ST7: variants seen among roughly 807,000 people sequenced by gnomAD.
ST7 encodes suppressor of tumorigenicity 7 protein.
ST7 carries 28 observed loss-of-function variants against 78.7 expected under a neutral mutation model. The observed-to-expected ratio is 0.36, with a 90% confidence interval of 0.26 to 0.49. ST7 has a LOEUF of 0.49. Among genes scored for constraint, ST7 ranks in the 20% least tolerant of loss-of-function variants. The probability of loss-of-function intolerance (pLI) is 0.99; values close to 1 mark genes in which losing one functional copy is unlikely to be tolerated. For synonymous variants in ST7, 247 were observed against 249.6 expected (o/e 0.99, Z 0.10); for missense variants, 418 against 696.0 (o/e 0.60, Z 4.49).
chr7:117,172,947 G>A (rs1008259212), intron 10 of ST7, among the ~76,000 whole-genome samples: 1 of 152,184 alleles, frequency 6.6e-6, no homozygotes, highest in Non-Finnish European at 1.5e-5. Context: ...GTAAAATAAA[G>A]AAATGGAACT....
chr7:117,057,837 G>A lies in ST7; in HGVS notation c.152-41925G>A, dbSNP rs542895941. Among the ~76,000 whole-genome samples, 42 of 152,214 alleles carry A rather than the reference G, an allele frequency of 2.8e-4. 1 individual carries two copies. The highest frequency in any genetic ancestry group is 2.0e-3 in the Admixed American group (30 of 15,296). On this transcript the variant is annotated intron_variant, in intron 1 of 15. Coordinates refer to ENST00000323984, the MANE Select transcript of ST7 (RefSeq NM_001369598.1). The stretch of plus-strand genomic sequence containing the variant: ...ATTAATTTTCTGGGACTAACAATTT[G>A]TACTATTAAGTAAAAGTTACCAATC...
chr7:116,989,661 A>G (rs879864255), intron 1 of ST7, among the ~76,000 whole-genome samples: 1 of 151,688 alleles, frequency 6.6e-6, no homozygotes, highest in Admixed American at 6.6e-5. Flanking sequence ...CAACATAGTG[A>G]GACCCCCATC....
intron 9 of ST7, among the ~76,000 whole-genome samples, chr7:117,169,979 C>T (rs1263906072): frequency 9.9e-5 from 15 of 152,086 alleles, no homozygotes. Context: ...CTCTTTACTA[C>T]CACCCCCATC....
At chr7:117,175,914 C>A (rs1808311387) in intron 10 of ST7, among the ~76,000 whole-genome samples, 1 of 151,788 alleles carries the variant, frequency 6.6e-6, no homozygotes, top group African/African-American at 2.4e-5. Flanking sequence ...GTCTTATGCT[C>A]TGCAAAAAGA....
intron 1 of ST7, among the ~76,000 whole-genome samples, chr7:117,092,153 C>T (rs527366935): frequency 6.6e-6 from 1 of 151,968 alleles, no homozygotes; most frequent in South Asian, 2.1e-4. Context: ...TAACTGGGTG[C>T]CTGTAGTCCC....
chr7:117,002,963 C>T (rs1795007039), intron 1 of ST7, among the ~76,000 whole-genome samples: 1 of 151,228 alleles, frequency 6.6e-6, no homozygotes, highest in Admixed American at 6.6e-5. Context: ...GCTGGGATTA[C>T]AGGCACCCAC....
At chr7:117,126,559 A>G (rs1004662967) in intron 3 of ST7, among the ~76,000 whole-genome samples, 13 of 151,832 alleles carry the variant, frequency 8.6e-5, no homozygotes, top group Admixed American at 3.3e-4. Context: ...TTTGTAACCC[A>G]TGGCCTAATT....
intron 10 of ST7, chr7:117,187,639 A>C (rs948705433): frequency 6.6e-6 from 1 of 152,212 alleles, no homozygotes; most frequent in African/African-American, 2.4e-5. Flanking sequence ...TTGATTAGAT[A>C]ACCATCAAAC....
Position 116,995,425 on chromosome 7 carries a change from G to A in ST7, c.151+41734G>A, listed in dbSNP as rs549564719. Among the ~76,000 whole-genome samples, 6 of 152,286 alleles carry A rather than the reference G, an allele frequency of 3.9e-5. No individual in the cohort carries two copies. The South Asian group carries it at 8.3e-4, about 21-fold the overall frequency. ...ATTATTATTAACACTCATCACCAGTGTGAAATACCAAGTGAGGAGAATAAA... is the reference window on the plus strand; with the variant it reads ...ATTATTATTAACACTCATCACCAGTATGAAATACCAAGTGAGGAGAATAAA... On this transcript the variant is annotated intron_variant, in intron 1 of 15. Coordinates refer to ENST00000323984, the MANE Select transcript of ST7 (RefSeq NM_001369598.1).
At chr7:117,097,980 C>T (rs1311967356) in intron 1 of ST7, among the ~76,000 whole-genome samples, 11 of 138,968 alleles carry the variant, frequency 7.9e-5, no homozygotes, top group Non-Finnish European at 1.1e-4. Flanking sequence ...CCTCTTACCT[C>T]GCAGTAAGCT....
intron 1 of ST7, among the ~76,000 whole-genome samples, chr7:117,033,307 T>C (rs749459471): frequency 1.3e-5 from 2 of 152,202 alleles, no homozygotes; most frequent in Non-Finnish European, 2.9e-5. Context: ...GAAAAACTTA[T>C]TAAGTTTGGT....
chr7:117,047,041 C>T (rs1474376015), intron 1 of ST7, among the ~76,000 whole-genome samples: 2 of 152,156 alleles, frequency 1.3e-5, no homozygotes, highest in Non-Finnish European at 2.9e-5. Context: ...TATATAATTA[C>T]AGCAAAGTTT....
intron 12 of ST7, among the ~76,000 whole-genome samples, chr7:117,194,190 A>G (rs1179238519): frequency 1.3e-5 from 2 of 152,226 alleles, no homozygotes; most frequent in Non-Finnish European, 2.9e-5. Flanking sequence ...TAGGCTCATC[A>G]TTACCAACAG....
chr7:117,214,746 G>A (rs1792555315), intron 13 of ST7, among the ~76,000 whole-genome samples: 1 of 151,604 alleles, frequency 6.6e-6, no homozygotes, highest in Non-Finnish European at 1.5e-5. Context: ...TATCATATGG[G>A]TCCACCTGAG....
intron 1 of ST7, among the ~76,000 whole-genome samples, chr7:117,039,529 G>A (rs1422391707): frequency 6.6e-6 from 1 of 151,058 alleles, no homozygotes; most frequent in Non-Finnish European, 1.5e-5. Context: ...AGCCCTGATG[G>A]CATCACTGAA....
intron 13 of ST7, among the ~76,000 whole-genome samples, chr7:117,212,681 T>C (rs1239288392): frequency 2.6e-5 from 4 of 152,220 alleles, no homozygotes; most frequent in African/African-American, 9.6e-5. Context: ...CACTCAATTG[T>C]GGATTTTAAG....
chr7:117,080,030 G>C (rs1799643830), intron 1 of ST7, among the ~76,000 whole-genome samples: 2 of 135,940 alleles, frequency 1.5e-5, no homozygotes, highest in South Asian at 4.6e-4. Context: ...GCCCAGGCTG[G>C]AGTGCAGTGG....
At chr7:116,993,481 C>A (rs1254899681) in intron 1 of ST7, among the ~76,000 whole-genome samples, 1 of 152,156 alleles carries the variant, frequency 6.6e-6, no homozygotes, top group Non-Finnish European at 1.5e-5. Flanking sequence ...AAATTACCTC[C>A]CACCGGCTCC....
At position 117,152,193 on chromosome 7, in the gene ST7, A is replaced by T. The variant is rs964515545; in HGVS notation, c.963+13661A>T. ...ATATAAAAACTATATATATATATAT[A>T]TATATATATATATATATATATATAT... On this transcript the variant is annotated intron_variant, in intron 9 of 15. Transcript: ENST00000323984. Among the ~76,000 whole-genome samples the T allele has an allele frequency of 2.4e-3, 143 of 58,870 alleles. 4 individuals carry two copies. Among genetic ancestry groups the T allele is most frequent in the African/African-American group, 0.011 (137 of 12,950 alleles). The allele number at this position is 58,870 out of a possible 152,430, so 38.6% of individuals were successfully genotyped here. A position where few individuals can be genotyped will look rare whatever the true frequency, so the allele number is the denominator to read the frequency against.
Sources: gnomAD v4.1 joint callset for allele counts (sites outside exome capture counted in the v4.1 genomes callset) on GRCh38, gnomAD v4.1.1 for gene constraint, MANE v1.5 for transcripts, NCBI Gene and HGNC (gene_info 2026-07-23, HGNC 2026-07-21) for gene names.